CTNNA1: variants seen among roughly 807,000 people sequenced by gnomAD.
CTNNA1 encodes catenin alpha-1.
A neutral mutation model predicts 98.4 loss-of-function variants in CTNNA1; 37 were observed. The ratio of observed to expected loss-of-function variants is 0.38; its 90% CI spans 0.29 to 0.49. CTNNA1 has a LOEUF of 0.49. Among genes scored for constraint, CTNNA1 ranks in the 20% least tolerant of loss-of-function variants. The pLI is 0.95. For missense variants in CTNNA1, 761 were observed against 1,147.2 expected (o/e 0.66, Z 4.86); for synonymous variants, 404 against 413.2 (o/e 0.98, Z 0.27).
At chr5:138,810,765 C>T (rs960014511) in intron 4 of CTNNA1, among the ~76,000 whole-genome samples, 16 of 152,332 alleles carry the variant, frequency 1.1e-4, no homozygotes, top group Non-Finnish European at 2.1e-4. Flanking sequence ...TCCACAAAAC[C>T]GCCATTGTCA....
At chr5:138,794,659 A>G (rs186926852) in intron 3 of CTNNA1, among the ~76,000 whole-genome samples, 12 of 152,330 alleles carry the variant, frequency 7.9e-5, no homozygotes, top group Admixed American at 4.6e-4. Context: ...ATTTGCATCT[A>G]TATTGACAAG....
chr5:138,793,114 T>C (rs1156745708), intron 3 of CTNNA1, among the ~76,000 whole-genome samples: 1 of 152,258 alleles, frequency 6.6e-6, no homozygotes, highest in Non-Finnish European at 1.5e-5. Flanking sequence ...AAATTGTTAT[T>C]GACCCCATTC....
chr5:138,886,190 C>T (rs2150023693), intron 7 of CTNNA1, 22 bp from the exon 8 acceptor site: 3 of 1,604,288 alleles, frequency 1.9e-6, no homozygotes, highest in African/African-American at 1.3e-5. Flanking sequence ...ATAAAATGCT[C>T]ATCTCTTTTC....
chr5:138,894,281 C>T lies in CTNNA1; in HGVS notation c.1296+6639C>T, dbSNP rs13164888. The stretch of plus-strand genomic sequence containing the variant: ...ATATAGAGCCTTTACTTTTCTTTCT[C>T]TTTTTTTTTTTTTTTTTTGAGACAA... On this transcript the variant is annotated intron_variant, in intron 9 of 17. Transcript: ENST00000302763. Among the ~76,000 whole-genome samples, 93 of 123,886 alleles carry T rather than the reference C, an allele frequency of 7.5e-4. 2 individuals carry two copies. Among genetic ancestry groups the T allele is most frequent in the Middle Eastern group, 3.8e-3 (1 of 260 alleles). 81.3% of individuals were successfully genotyped at this position (123,886 alleles called of 152,430 possible).
intron 7 of CTNNA1, among the ~76,000 whole-genome samples, chr5:138,844,218 A>G (rs1055676499): frequency 1.3e-5 from 2 of 151,920 alleles, no homozygotes; most frequent in East Asian, 3.8e-4. Flanking sequence ...CTGGTCTCAC[A>G]TTCCTGGACT....
rs200642275 is a variant in CTNNA1 at position 138,864,796 on chromosome 5, T to TTTTTTG, written c.1063-21385_1063-21380dup. Among the ~76,000 whole-genome samples, 342 of 43,934 alleles carry TTTTTTG rather than the reference T, an allele frequency of 7.8e-3. 1 individual carries two copies. The highest frequency in any genetic ancestry group is 0.032 in the South Asian group (39 of 1,210). The allele number at this position is 43,934 out of a possible 152,430, so 28.8% of individuals were successfully genotyped here. On this transcript the variant is annotated intron_variant, in intron 7 of 17. Transcript: ENST00000302763. ...CATTCCTGATGTAGTGGAAGATGTG[T>TTTTTTG]TTTTTGTTTTTGTTTTTGTTTTTGT...
At position 138,860,759 on chromosome 5, in the gene CTNNA1, A is replaced by T. The variant is rs529665936; in HGVS notation, c.1063-25453A>T. 1.4e-3 allele frequency among the ~76,000 whole-genome samples: 213 copies of T among 151,930 alleles called. No homozygotes were observed. The highest frequency in any genetic ancestry group is 4.9e-3 in the African/African-American group (205 of 41,452). On this transcript the variant is annotated intron_variant, in intron 7 of 17. Transcript: ENST00000302763. ...ATCCACCCTCCTAGGCCTCCCAAAG[A>T]CTTGGCAGTTTTAATACGGTAATAA...
intron 7 of CTNNA1, among the ~76,000 whole-genome samples, chr5:138,840,168 G>T (rs1026542239): frequency 6.6e-6 from 1 of 152,176 alleles, no homozygotes; most frequent in African/African-American, 2.4e-5. Flanking sequence ...TGGAACAAAA[G>T]AACAGAAAAT....
At position 138,777,114 on chromosome 5, in the gene CTNNA1, A is replaced by G. The variant is rs1370291220; in HGVS notation, c.-2-4809A>G. On this transcript the variant is annotated intron_variant, in intron 1 of 17. Coordinates refer to ENST00000302763, the MANE Select transcript of CTNNA1 (RefSeq NM_001903.5). ...TCACTTCTCATATGGGGCGGTTGCC[A>G]GGCGGAGGGTCTCCTCACTTCTCAG... Among the ~76,000 whole-genome samples the G allele has an allele frequency of 7.3e-5, 11 of 150,306 alleles. No homozygotes were observed. The South Asian group carries it at 1.5e-3, about 21-fold the overall frequency.
chr5:138,864,868 G>A (rs1254806324), intron 7 of CTNNA1, among the ~76,000 whole-genome samples: 1 of 152,142 alleles, frequency 6.6e-6, no homozygotes, highest in Admixed American at 6.5e-5. Flanking sequence ...AGGCTGGAGT[G>A]CAGTGGCGCG....
chr5:138,773,814 C>A (rs768525174), intron 1 of CTNNA1, among the ~76,000 whole-genome samples: 1 of 151,470 alleles, frequency 6.6e-6, no homozygotes, highest in Non-Finnish European at 1.5e-5. Flanking sequence ...TTGGCTGAAG[C>A]GATCCTCCTG....
chr5:138,870,603 GATTTCTTACCC>G (rs1765247898), intron 7 of CTNNA1: 1 of 152,150 alleles, frequency 6.6e-6, no homozygotes, highest in African/African-American at 2.4e-5. Context: ...CAAAGAAGGG[GATTTCTTACCC>G]ATCCCACAGT....
chr5:138,925,163 C>T (rs1211547141), intron 12 of CTNNA1, 93 bp from the exon 13 acceptor site: 6 of 1,390,316 alleles, frequency 4.3e-6, no homozygotes, highest in Admixed American at 2.1e-5. Context: ...TCATAAGCCT[C>T]ACCTCTTTCT....
At chr5:138,823,292 T>A (rs1323924766) in intron 5 of CTNNA1, among the ~76,000 whole-genome samples, 1 of 152,230 alleles carries the variant, frequency 6.6e-6, no homozygotes, top group Non-Finnish European at 1.5e-5. Context: ...CTACTCAGCC[T>A]ACCAAGTAGA....
chr5:138,767,046 T>TTTCG (rs1262741595), intron 1 of CTNNA1, among the ~76,000 whole-genome samples: 1 of 148,768 alleles, frequency 6.7e-6, no homozygotes, highest in Non-Finnish European at 1.5e-5. Flanking sequence ...TCTTTCTTTC[T>TTTCG]TTTTTTTGAG....
At chr5:138,857,396 G>A (rs997777136) in intron 7 of CTNNA1, among the ~76,000 whole-genome samples, 3 of 152,122 alleles carry the variant, frequency 2.0e-5, no homozygotes, top group African/African-American at 7.2e-5. Context: ...ACTGGCTCTG[G>A]CCTTCTCTGT....
At chr5:138,838,071 T>C (rs1761958335) in intron 7 of CTNNA1, among the ~76,000 whole-genome samples, 1 of 152,200 alleles carries the variant, frequency 6.6e-6, no homozygotes, top group Non-Finnish European at 1.5e-5. Flanking sequence ...TGGCTAAGTT[T>C]TGTATTTTTA....
chr5:138,839,803 T>G (rs1371152882), intron 7 of CTNNA1, among the ~76,000 whole-genome samples: 7 of 152,222 alleles, frequency 4.6e-5, no homozygotes, highest in Admixed American at 4.6e-4. Flanking sequence ...TTTTCAAAAC[T>G]GAGTCTGAAA....
At chr5:138,757,269 G>C (rs748154390) in intron 1 of CTNNA1, among the ~76,000 whole-genome samples, 6 of 152,130 alleles carry the variant, frequency 3.9e-5, no homozygotes, top group Non-Finnish European at 5.9e-5. Flanking sequence ...GTGGTTGTTA[G>C]GGGCCAGGTG....
Sources: allele counts gnomAD v4.1 joint callset (sites outside exome capture counted in the v4.1 genomes callset), GRCh38; gene constraint gnomAD v4.1.1; transcripts MANE v1.5; gene names NCBI Gene and HGNC (gene_info 2026-07-23, HGNC 2026-07-21).